Variants in ENKUR observed in about 807,000 individuals in gnomAD.
ENKUR encodes the protein enkurin, TRPC channel interacting protein, also known as enkurin.
ENKUR carries 19 observed loss-of-function variants against 27.6 expected under a neutral mutation model. That is an observed-to-expected ratio of 0.69 (90% confidence interval 0.48 to 1.01). The LOEUF (loss-of-function observed/expected upper bound fraction) is 1.01. ENKUR is among the 50% of genes least tolerant of loss of function. ENKUR has a pLI of 0.00. For synonymous variants in ENKUR, 117 were observed against 96.9 expected (o/e 1.21, Z -1.22); for missense variants, 312 against 310.5 (o/e 1.00, Z -0.04).
chr10:25,033,581 C>T (rs1281574165), intron 2 of ENKUR, among the ~76,000 whole-genome samples: 1 of 151,922 alleles, frequency 6.6e-6, no homozygotes, highest in Non-Finnish European at 1.5e-5. Context: ...GAAAGGAAAA[C>T]TTGTAAATAT....
chr10:25,027,716 C>T (rs928197748), intron 2 of ENKUR, among the ~76,000 whole-genome samples: 1 of 151,604 alleles, frequency 6.6e-6, no homozygotes, highest in Non-Finnish European at 1.5e-5. Context: ...CCCATCTCTA[C>T]AAAAAATACA....
upstream of ENKUR, among the ~76,000 whole-genome samples, chr10:25,019,665 A>G (rs889687458): frequency 6.6e-6 from 1 of 152,202 alleles, no homozygotes; most frequent in African/African-American, 2.4e-5. Context: ...AAGGACTTGC[A>G]CATCTGCAGA....
At position 25,023,073 on chromosome 10, in the gene ENKUR, A is replaced by G. The variant is rs1034171705; in HGVS notation, c.38-27204T>C. ...AAGATTTTTAAACAGTTTATGTACC[A>G]TGGGCATGGTTATATTCAGTCCTAT... On this transcript the variant is annotated intron_variant, in intron 2 of 5. Transcript: ENST00000615958. The G allele has an allele frequency of 3.1e-5, 23 of 737,904 alleles. No individual in the cohort carries two copies. In the African/African-American group the frequency reaches 3.6e-4, roughly 11 times the overall value. The allele number at this position is 737,904 out of a possible 1,614,324, so 45.7% of individuals were successfully genotyped here.
chr10:24,988,048 C>G (rs113010175), intron 4 of ENKUR, among the ~76,000 whole-genome samples: 189 of 151,716 alleles, frequency 1.2e-3, no homozygotes, highest in African/African-American at 4.4e-3. Flanking sequence ...CAGCGAAACC[C>G]CATCTTTACT....
At chr10:25,036,645 C>G (rs1363595426) in intron 2 of ENKUR, among the ~76,000 whole-genome samples, 1 of 152,172 alleles carries the variant, frequency 6.6e-6, no homozygotes, top group African/African-American at 2.4e-5. Flanking sequence ...GCACACCTAA[C>G]TAGCAGAACA....
chr10:25,061,307 C>T (rs1311512437), exon 2 of ENKUR: 18 of 661,890 alleles, frequency 2.7e-5, no homozygotes, highest in East Asian at 5.5e-5. Flanking sequence ...TTTCTTGTGC[C>T]GCTCCTCCAG....
At chr10:25,010,617 C>T (rs564693527) in intron 1 of ENKUR, among the ~76,000 whole-genome samples, 2,467 of 150,774 alleles carry the variant, frequency 0.016, 73 homozygotes, top group African/African-American at 0.057. Flanking sequence ...ACAACAGTCC[C>T]CAGAGTGTGA....
At chr10:25,015,778 A>T in intron 1 of ENKUR, 82 bp downstream of exon 1, 7 of 1,246,560 alleles carry the variant, frequency 5.6e-6, no homozygotes, top group Non-Finnish European at 7.5e-6. Flanking sequence ...TTATTATTAA[A>T]AATTCCAGTA....
chr10:24,994,048 T>C (rs72780374), intron 3 of ENKUR, among the ~76,000 whole-genome samples: 189 of 152,280 alleles, frequency 1.2e-3, no homozygotes, highest in Middle Eastern at 6.8e-3. Context: ...AGTAACTTTA[T>C]TGGCTTATCC....
chr10:24,989,661 T>C (rs1040067872), intron 4 of ENKUR, among the ~76,000 whole-genome samples: 2 of 152,232 alleles, frequency 1.3e-5, no homozygotes, highest in African/African-American at 4.8e-5. Context: ...TTGATGATTA[T>C]GATGACATTG....
At chr10:25,052,333 G>A (rs538387490) in intron 2 of ENKUR, among the ~76,000 whole-genome samples, 20 of 152,218 alleles carry the variant, frequency 1.3e-4, no homozygotes, top group South Asian at 4.1e-4. Context: ...GGCCTTATTC[G>A]GGCCTTTCAA....
chr10:25,033,323 G>A (rs1850957919), intron 2 of ENKUR, among the ~76,000 whole-genome samples: 1 of 147,188 alleles, frequency 6.8e-6, no homozygotes. Context: ...AATATTGCTT[G>A]GGCTCAGGAA....
intron 2 of ENKUR, among the ~76,000 whole-genome samples, chr10:25,042,889 A>G (rs1434133154): frequency 6.6e-6 from 1 of 152,160 alleles, no homozygotes; most frequent in Non-Finnish European, 1.5e-5. Flanking sequence ...AGAAATGTAA[A>G]TGCAGTGCAT....
At chr10:25,029,625 A>T (rs1338682223) in intron 2 of ENKUR, among the ~76,000 whole-genome samples, 1 of 152,220 alleles carries the variant, frequency 6.6e-6, no homozygotes, top group Non-Finnish European at 1.5e-5. Flanking sequence ...ATCCAGGAAA[A>T]TGAATACAAT....
chr10:24,994,447 C>A (rs966772784), intron 3 of ENKUR, among the ~76,000 whole-genome samples: 17 of 151,688 alleles, frequency 1.1e-4, no homozygotes, highest in African/African-American at 4.1e-4. Context: ...GATTCTCGTG[C>A]CTTAGCCACC....
At chr10:25,036,308 C>A (rs1239307399) in intron 2 of ENKUR, among the ~76,000 whole-genome samples, 1 of 152,182 alleles carries the variant, frequency 6.6e-6, no homozygotes, top group Non-Finnish European at 1.5e-5. Flanking sequence ...GGTCCTCATT[C>A]TCTCATCTGC....
intron 2 of ENKUR, among the ~76,000 whole-genome samples, chr10:25,035,460 CAGG>C (rs1407975125): frequency 1.3e-5 from 2 of 151,772 alleles, no homozygotes; most frequent in Non-Finnish European, 2.9e-5. Flanking sequence ...GAGGCTGAGG[CAGG>C]AGAATCGCTT....
chr10:24,989,013 C>T (rs967612898), intron 4 of ENKUR, among the ~76,000 whole-genome samples: 1 of 151,836 alleles, frequency 6.6e-6, no homozygotes, highest in Non-Finnish European at 1.5e-5. Flanking sequence ...AACTCTGTAG[C>T]GACCGTAATG....
At chr10:25,018,070 G>C (rs1172387143), upstream of ENKUR, among the ~76,000 whole-genome samples, 2 of 152,042 alleles carry the variant, frequency 1.3e-5, no homozygotes, top group Non-Finnish European at 1.5e-5. Flanking sequence ...TGATGTTCTG[G>C]GGTTACTGAA....
Sources: gnomAD v4.1 joint callset for allele counts (sites outside exome capture counted in the v4.1 genomes callset) on GRCh38, gnomAD v4.1.1 for gene constraint, MANE v1.5 for transcripts, NCBI Gene and HGNC (gene_info 2026-07-23, HGNC 2026-07-21) for gene names.